EIF4G3: variants seen among roughly 807,000 people sequenced by gnomAD.
EIF4G3 encodes eIF-4-gamma 3.
A neutral mutation model predicts 186.4 loss-of-function variants in EIF4G3; 34 were observed. The ratio of observed to expected loss-of-function variants is 0.18; its 90% CI spans 0.14 to 0.24. The LOEUF (loss-of-function observed/expected upper bound fraction) is 0.24. Among genes scored for constraint, EIF4G3 ranks in the 10% least tolerant of loss-of-function variants. The pLI is 1.00. For missense variants in EIF4G3, 1,536 were observed against 1,948.5 expected (o/e 0.79, Z 3.99); for synonymous variants, 673 against 679.5 (o/e 0.99, Z 0.15).
intron 2 of EIF4G3, among the ~76,000 whole-genome samples, chr1:21,098,540 G>GAAAAAAA (rs59544256): frequency 5.5e-5 from 4 of 72,710 alleles, no homozygotes; most frequent in African/African-American, 9.7e-5. Flanking sequence ...GCCCTGTCTC[G>GAAAAAAA]AAAAAAAAAA....
At chr1:21,041,726 T>C (rs1189073572) in intron 4 of EIF4G3, among the ~76,000 whole-genome samples, 2 of 152,150 alleles carry the variant, frequency 1.3e-5, no homozygotes, top group African/African-American at 4.8e-5. Flanking sequence ...TGTCACCTAC[T>C]TAGGGGTTTT....
rs138721908 is a variant in EIF4G3, at chr1:21,046,587, A to T, written c.-67+4279T>A. On this transcript the variant is annotated intron_variant, in intron 4 of 36. Coordinates refer to ENST00000602326, the MANE Select transcript of EIF4G3 (RefSeq NM_001391906.1). Reference sequence around the variant, plus strand: ...CAAACATTGAGTCACAGACATAGGTAGTTACTTTGGACAAAAAGATTTAAT... The same window carrying T: ...CAAACATTGAGTCACAGACATAGGTTGTTACTTTGGACAAAAAGATTTAAT... 1.8e-3 allele frequency among the ~76,000 whole-genome samples: 269 copies of T among 152,354 alleles called. 1 individual carries two copies. Among genetic ancestry groups the T allele is most frequent in the African/African-American group, 6.0e-3 (251 of 41,586 alleles).
intron 12 of EIF4G3, among the ~76,000 whole-genome samples, chr1:20,956,617 C>CAAAAAAAAAAAAAAAAAA (rs61623629): frequency 8.7e-6 from 1 of 114,576 alleles, no homozygotes; most frequent in Non-Finnish European, 1.7e-5. Flanking sequence ...GTATAATTTA[C>CAAAAAAAAAAAAAAAAAA]AAAAAAAAAA....
At chr1:21,063,098 A>G (rs1317333380) in intron 3 of EIF4G3, among the ~76,000 whole-genome samples, 1 of 152,148 alleles carries the variant, frequency 6.6e-6, no homozygotes, top group Non-Finnish European at 1.5e-5. Flanking sequence ...TTGTCACCCA[A>G]GCTAGAATGC....
intron 7 of EIF4G3, among the ~76,000 whole-genome samples, chr1:20,989,051 AGGAGAGGAGGGGAGGGGAGGGGAGG>A (rs2080277840): frequency 1.6e-4 from 1 of 6,430 alleles, no homozygotes; most frequent in Non-Finnish European, 2.8e-4. Flanking sequence ...AAGAGAGGAG[AGGAGAGGAGGGGAGGGGAGGGGAGG>A]GGAGGGGAGA....
intron 3 of EIF4G3, among the ~76,000 whole-genome samples, chr1:21,058,962 C>G (rs950695082): frequency 6.6e-6 from 1 of 151,396 alleles, no homozygotes; most frequent in East Asian, 1.9e-4. Context: ...ATAACACACA[C>G]ACAAACCACT....
intron 2 of EIF4G3, among the ~76,000 whole-genome samples, chr1:21,108,464 A>G (rs1463395154): frequency 6.6e-6 from 1 of 152,158 alleles, no homozygotes; most frequent in Non-Finnish European, 1.5e-5. Flanking sequence ...CGGGTTGTCA[A>G]TTTTACTCTA....
chr1:20,970,005 C>T (rs905053491), intron 11 of EIF4G3, among the ~76,000 whole-genome samples: 1 of 151,776 alleles, frequency 6.6e-6, no homozygotes, highest in Non-Finnish European at 1.5e-5. Flanking sequence ...GCTCTATCAC[C>T]CAGGCTGGAG....
At chr1:20,991,202 G>A (rs1000653019) in intron 7 of EIF4G3, among the ~76,000 whole-genome samples, 10 of 152,208 alleles carry the variant, frequency 6.6e-5, no homozygotes, top group African/African-American at 1.9e-4. Flanking sequence ...ACTAAGAATC[G>A]GGATATGGAA....
intron 11 of EIF4G3, among the ~76,000 whole-genome samples, chr1:20,972,572 T>G (rs1570013129): frequency 6.6e-6 from 1 of 151,658 alleles, no homozygotes; most frequent in African/African-American, 2.4e-5. Context: ...AAGCAGAGGG[T>G]GCAGTTCAGC....
At chr1:21,028,536 G>A (rs916478418) in intron 4 of EIF4G3, among the ~76,000 whole-genome samples, 2 of 152,164 alleles carry the variant, frequency 1.3e-5, no homozygotes, top group African/African-American at 4.8e-5. Context: ...ATTGATAATC[G>A]ACTTAAGGTG....
At chr1:20,889,332 G>A (rs1222854710) in intron 18 of EIF4G3, among the ~76,000 whole-genome samples, 1 of 152,084 alleles carries the variant, frequency 6.6e-6, no homozygotes, top group East Asian at 1.9e-4. Flanking sequence ...CTTCTTTGCT[G>A]CTAGGATTTT....
chr1:21,164,556 G>A (rs1463654243), intron 2 of EIF4G3, among the ~76,000 whole-genome samples: 2 of 152,044 alleles, frequency 1.3e-5, no homozygotes, highest in African/African-American at 2.4e-5. Flanking sequence ...GTGAGACTCT[G>A]TCTCTACCGA....
rs958808964 is a variant in EIF4G3, at chr1:20,810,949, CTTTCTTT to C, written c.4598-72_4598-66del. On this transcript the variant is annotated intron_variant, in intron 35 of 36. Transcript: ENST00000602326. The surrounding 1 kb of genome is among the most constrained non-coding windows in gnomAD (Gnocchi z 4.1). ...TTAACATAGAATTATCTTTAATTTT[CTTTCTTT>C]TTTCTTTTTTTGAGACAGAGCCTCA... is the stretch of plus-strand genomic sequence containing the variant. The C allele has an allele frequency of 2.6e-5, 39 of 1,518,284 alleles. No homozygotes were observed. Among genetic ancestry groups the C allele is most frequent in the Non-Finnish European group, 3.4e-5 (38 of 1,117,910 alleles). 94.1% of individuals were successfully genotyped at this position (1,518,284 alleles called of 1,614,324 possible). A position where few individuals can be genotyped will look rare whatever the true frequency, so the allele number is the denominator to read the frequency against.
rs141698528 is a variant in EIF4G3 at position 20,857,462 on chromosome 1, C to T, written c.3280G>A (p.Val1094Ile). Reference sequence around the variant, plus strand: ...ACCCGACTGTTCTTGGCCCCTTGTACAGTGTTCCACCCACCTTCGTCCACT... The same window carrying T: ...ACCCGACTGTTCTTGGCCCCTTGTATAGTGTTCCACCCACCTTCGTCCACT... Reference protein sequence around the residue: ...QRVDEGGWNTVQGAKNSRVLD... With the variant: ...QRVDEGGWNTIQGAKNSRVLD... Residue 1094 changes from valine (V) to isoleucine (I), a missense_variant, in exon 25 of 37, where the codon GTA becomes ATA. This residue lies in a region of EIF4G3 where 110 missense variants were observed against 166.2 expected (regional missense o/e 0.66). Transcript: ENST00000602326. 6.2e-7 allele frequency: 1 copy of T among 1,614,098 alleles called. No homozygotes were observed.
At chr1:20,935,094 C>T (rs1030856746) in intron 14 of EIF4G3, among the ~76,000 whole-genome samples, 14 of 152,082 alleles carry the variant, frequency 9.2e-5, no homozygotes, top group Admixed American at 2.6e-4. Flanking sequence ...TCACTATGAA[C>T]CTAGGTCACA....
At chr1:21,125,000 C>T (rs1275242415) in intron 2 of EIF4G3, among the ~76,000 whole-genome samples, 1 of 152,090 alleles carries the variant, frequency 6.6e-6, no homozygotes, top group Non-Finnish European at 1.5e-5. Context: ...AAATAAGTTC[C>T]ACAATTCCTC....
intron 14 of EIF4G3, among the ~76,000 whole-genome samples, chr1:20,905,752 A>G (rs1355578423): frequency 6.6e-6 from 1 of 152,228 alleles, no homozygotes; most frequent in African/African-American, 2.4e-5. Flanking sequence ...CTGCTTCTAC[A>G]GAGGGCAACT....
At chr1:21,106,133 A>AT (rs1259694539) in intron 2 of EIF4G3, among the ~76,000 whole-genome samples, 2 of 151,836 alleles carry the variant, frequency 1.3e-5, no homozygotes, top group Non-Finnish European at 2.9e-5. Flanking sequence ...GAGTTTGGAA[A>AT]TTTAAGCAGA....
Sources: allele counts gnomAD v4.1 joint callset (sites outside exome capture counted in the v4.1 genomes callset), GRCh38; gene constraint gnomAD v4.1.1; regional missense constraint gnomAD v4.1.1; non-coding constraint Gnocchi (gnomAD v3.1); transcripts MANE v1.5; gene names NCBI Gene and HGNC (gene_info 2026-07-23, HGNC 2026-07-21).